FAM107B: variants seen among roughly 807,000 people sequenced by gnomAD.
FAM107B encodes the protein family with sequence similarity 107 member B.
FAM107B carries 21 observed loss-of-function variants against 31.5 expected under a neutral mutation model. The ratio of observed to expected loss-of-function variants is 0.67; its 90% confidence interval spans 0.47 to 0.96. The LOEUF is 0.96. Among genes scored for constraint, FAM107B ranks in the 40% least tolerant of loss-of-function variants. FAM107B has a pLI of 0.00. For missense variants in FAM107B, 452 were observed against 377.1 expected, an observed-to-expected ratio of 1.20 and a Z score of -1.64; for synonymous variants, 157 against 141.5, an observed-to-expected ratio of 1.11 and a Z score of -0.78.
chr10:14,697,317 G>A (rs1855290013), intron 1 of FAM107B, among the ~76,000 whole-genome samples: 2 of 152,278 alleles, frequency 1.3e-5, no homozygotes, highest in South Asian at 4.1e-4. Flanking sequence ...CCAGGTCCCC[G>A]AAATGGAGGC....
At position 14,608,193 on chromosome 10, in the gene FAM107B, G is replaced by A. The variant is rs376950147; in HGVS notation, c.469+59441C>T. Among the ~76,000 whole-genome samples the A allele has an allele frequency of 5.9e-5, 9 of 152,310 alleles. No homozygotes were observed. The South Asian group carries it at 1.7e-3, about 28-fold the overall frequency. On this transcript the variant is annotated intron_variant, in intron 2 of 4. Transcript: ENST00000181796. ...AGAAAAACTTAACAATGCCCTCAAGGAGGGAAATTTGTTTTGACATGTATA... is the reference window on the plus strand; with the variant it reads ...AGAAAAACTTAACAATGCCCTCAAGAAGGGAAATTTGTTTTGACATGTATA...
chr10:14,755,974 A>G (rs1832922463), intron 1 of FAM107B, among the ~76,000 whole-genome samples: 1 of 152,160 alleles, frequency 6.6e-6, no homozygotes, highest in Non-Finnish European at 1.5e-5. Context: ...ACACTACTAT[A>G]TATTTGTTTA....
intron 1 of FAM107B, among the ~76,000 whole-genome samples, chr10:14,704,676 A>G (rs1588717371): frequency 6.6e-6 from 1 of 152,342 alleles, no homozygotes; most frequent in South Asian, 2.1e-4. Context: ...AATATACAGA[A>G]TATATAAAGA....
chr10:14,739,010 C>T (rs1331180395), intron 1 of FAM107B, among the ~76,000 whole-genome samples: 1 of 152,188 alleles, frequency 6.6e-6, no homozygotes, highest in African/African-American at 2.4e-5. Flanking sequence ...ACCATGGCTT[C>T]CTCCTCCACA....
chr10:14,773,821 A>G (rs1974068), intron 1 of FAM107B, among the ~76,000 whole-genome samples: 66,491 of 152,104 alleles, frequency 0.44, 17,723 homozygotes, highest in African/African-American at 0.74. Context: ...GATTCATTTT[A>G]AGTAGAGGCA....
At chr10:14,703,330 T>C (rs868651912) in intron 1 of FAM107B, among the ~76,000 whole-genome samples, 39 of 150,614 alleles carry the variant, frequency 2.6e-4, no homozygotes, top group South Asian at 8.4e-4. Flanking sequence ...TCTTCTTCTT[T>C]TTTTTTTTTT....
intron 2 of FAM107B, among the ~76,000 whole-genome samples, chr10:14,627,370 A>G (rs1312041676): frequency 1.3e-5 from 2 of 152,374 alleles, no homozygotes; most frequent in East Asian, 1.9e-4. Context: ...ATAAACAGAC[A>G]GGAGGAGATC....
At chr10:14,767,073 G>GAGAGAGAGAGAC (rs1833191909) in intron 1 of FAM107B, among the ~76,000 whole-genome samples, 1 of 74,652 alleles carries the variant, frequency 1.3e-5, no homozygotes, top group Non-Finnish European at 2.8e-5. Context: ...GAGAGAGAGA[G>GAGAGAGAGAGAC]AGAGAGAGAG....
intron 1 of FAM107B, among the ~76,000 whole-genome samples, chr10:14,741,867 G>A (rs1281269150): frequency 6.6e-6 from 1 of 151,322 alleles, no homozygotes; most frequent in Non-Finnish European, 1.5e-5. Context: ...CCCCACACCA[G>A]GCTAATTTTT....
intron 2 of FAM107B, chr10:14,604,446 A>C (rs190804708): frequency 0.17 from 26,562 of 158,414 alleles, 2,475 homozygotes; most frequent in East Asian, 0.31. Flanking sequence ...CGGGGCGGGG[A>C]GGGGCGGGGC....
intron 1 of FAM107B, among the ~76,000 whole-genome samples, chr10:14,765,031 G>A (rs1485516687): frequency 6.6e-6 from 1 of 152,178 alleles, no homozygotes; most frequent in Non-Finnish European, 1.5e-5. Context: ...CAGGTCCTGG[G>A]CAGATTGGTA....
chr10:14,655,092 T>A (rs1474858423), intron 2 of FAM107B, among the ~76,000 whole-genome samples: 1 of 152,152 alleles, frequency 6.6e-6, no homozygotes, highest in African/African-American at 2.4e-5. Flanking sequence ...AGAGATTACA[T>A]GGCAAGAGAG....
chr10:14,586,174 G>T (rs1465423737), intron 2 of FAM107B, among the ~76,000 whole-genome samples: 1 of 152,072 alleles, frequency 6.6e-6, no homozygotes, highest in Non-Finnish European at 1.5e-5. Context: ...TTCAATTCCT[G>T]ACCTTCAGCC....
At chr10:14,554,612 C>T (rs1393890750) in intron 2 of FAM107B, among the ~76,000 whole-genome samples, 3 of 152,136 alleles carry the variant, frequency 2.0e-5, no homozygotes, top group African/African-American at 4.8e-5. Context: ...AGGAGTTCTG[C>T]TTAAGGCAAT....
intron 1 of FAM107B, among the ~76,000 whole-genome samples, chr10:14,703,312 C>T (rs1588716526): frequency 6.6e-6 from 1 of 151,280 alleles, no homozygotes; most frequent in African/African-American, 2.4e-5. Flanking sequence ...AGTTTGTTTC[C>T]TTTTCCTTCT....
chr10:14,693,454 G>A (rs968711261), intron 1 of FAM107B, among the ~76,000 whole-genome samples: 5 of 150,154 alleles, frequency 3.3e-5, no homozygotes, highest in Non-Finnish European at 7.4e-5. Context: ...CTCCAGCCTC[G>A]GCGACAGAGT....
chr10:14,548,645 G>A (rs1490855398), intron 2 of FAM107B: 15 of 985,314 alleles, frequency 1.5e-5, no homozygotes, highest in Non-Finnish European at 1.8e-5. Flanking sequence ...TGCGAAGGCA[G>A]GCACTCCCAG....
intron 2 of FAM107B, among the ~76,000 whole-genome samples, chr10:14,622,310 T>C (rs977416039): frequency 2.1e-5 from 3 of 143,560 alleles, no homozygotes; most frequent in African/African-American, 8.0e-5. Flanking sequence ...TATGAGAGAT[T>C]TTTTTTTTTT....
intron 2 of FAM107B, among the ~76,000 whole-genome samples, chr10:14,641,291 T>A (rs1853621352): frequency 6.6e-6 from 1 of 152,168 alleles, no homozygotes. Context: ...TATTTTGGGG[T>A]CCTCTGGCAC....
Sources: gnomAD v4.1 joint callset for allele counts (sites outside exome capture counted in the v4.1 genomes callset) on GRCh38, gnomAD v4.1.1 for gene constraint, MANE v1.5 for transcripts, NCBI Gene and HGNC (gene_info 2026-07-23, HGNC 2026-07-21) for gene names.